The following PLXNA2 variants were observed in gnomAD, a reference collection of about 807,000 sequenced individuals.
PLXNA2 encodes plexin-A2.
A neutral mutation model predicts 193.5 loss-of-function variants in PLXNA2; 91 were observed. The observed-to-expected ratio is 0.47, with a 90% confidence interval of 0.40 to 0.56. The LOEUF (loss-of-function observed/expected upper bound fraction) is 0.56, where lower values mean the gene tolerates loss of function less well. Ranked by LOEUF, PLXNA2 falls within the 20% of genes least tolerant of loss-of-function variation. The probability of loss-of-function intolerance (pLI) is 0.00; values close to 1 mark genes in which losing one functional copy is unlikely to be tolerated. For synonymous variants in PLXNA2, 997 were observed against 1,027.3 expected, an observed-to-expected ratio of 0.97 and a Z score of 0.56; for missense variants, 1,995 against 2,503.2, an observed-to-expected ratio of 0.80 and a Z score of 4.33.
intron 3 of PLXNA2, among the ~76,000 whole-genome samples, chr1:208,172,641 T>C (rs764507381): frequency 1.3e-5 from 2 of 152,200 alleles, no homozygotes; most frequent in African/African-American, 4.8e-5. Context: ...GCTTTCTCTT[T>C]ATAACAGATT....
At position 208,217,143 on chromosome 1, in the gene PLXNA2, G is replaced by C. The variant is rs751044766; in HGVS notation, c.780C>G (p.Pro260=). The C allele has an allele frequency of 6.2e-7, 1 of 1,614,184 alleles. No individual in the cohort carries two copies. Among genetic ancestry groups the C allele is most frequent in the Non-Finnish European group, 8.5e-7 (1 of 1,180,028 alleles). The change falls in exon 2 of 32, where the codon CCC becomes CCG. Residue 260 remains proline (P), a synonymous_variant. Coordinates refer to ENST00000367033, the MANE Select transcript of PLXNA2 (RefSeq NM_025179.4). The surrounding 1 kb of genome is among the most constrained non-coding windows in gnomAD (Gnocchi z 4.7). ...GGFVYFLTVQ[P]ETPEGVAINS... is the part of the protein sequence containing the mutation. ...TGATGGCCACACCCTCAGGGGTCTC[G>C]GGCTGGACAGTGAGAAAGTAGACAA...
At chr1:208,187,861 T>C (rs1670056412) in intron 3 of PLXNA2, among the ~76,000 whole-genome samples, 1 of 152,212 alleles carries the variant, frequency 6.6e-6, no homozygotes, top group African/African-American at 2.4e-5. Context: ...TGTGCAGTGG[T>C]GTGCAGTTAC....
At chr1:208,088,960 A>G (rs1666626153) in intron 9 of PLXNA2, among the ~76,000 whole-genome samples, 1 of 152,198 alleles carries the variant, frequency 6.6e-6, no homozygotes, top group Non-Finnish European at 1.5e-5. Context: ...AAGCTGTTTA[A>G]CTTATTTAAG....
At chr1:208,237,523 A>C (rs766526182) in intron 1 of PLXNA2, among the ~76,000 whole-genome samples, 10 of 152,214 alleles carry the variant, frequency 6.6e-5, no homozygotes, top group South Asian at 2.1e-4. Context: ...TGACTAATAG[A>C]AAACAACTCC....
Position 208,028,360 on chromosome 1 carries a change from C to G in PLXNA2, c.5439-201G>C, listed in dbSNP as rs1350167506. On this transcript the variant is annotated intron_variant, in intron 30 of 31. Coordinates refer to ENST00000367033, the MANE Select transcript of PLXNA2 (RefSeq NM_025179.4). This position sits in a 1 kb window ranked among gnomAD's most constrained non-coding sequence, Gnocchi z 4.2. The stretch of plus-strand genomic sequence containing the variant: ...CCAGAGTTTCTTCAGTAGATTCCAT[C>G]TAGCCGAGAGCTCGTGGCTGCGGTG... Among the ~76,000 whole-genome samples the G allele has an allele frequency of 6.6e-6, 1 of 152,230 alleles. No homozygotes were observed. Among genetic ancestry groups the G allele is most frequent in the African/African-American group, 2.4e-5 (1 of 41,462 alleles).
intron 1 of PLXNA2, among the ~76,000 whole-genome samples, chr1:208,225,871 C>T (rs546036322): frequency 1.3e-5 from 2 of 152,300 alleles, no homozygotes; most frequent in African/African-American, 2.4e-5. Flanking sequence ...TCTGGGACTT[C>T]CCAGTTTCTG....
intron 4 of PLXNA2, among the ~76,000 whole-genome samples, chr1:208,138,645 G>A (rs927333613): frequency 5.9e-5 from 9 of 152,260 alleles, no homozygotes; most frequent in Non-Finnish European, 5.9e-5. Context: ...AGGACTTTGG[G>A]AGGCCGAGGT....
rs183419021 is a variant in PLXNA2 at position 208,165,655 on chromosome 1, G to C, written c.1372-23192C>G. On this transcript the variant is annotated intron_variant, in intron 3 of 31. Transcript: ENST00000367033. ...CCGCAAGCCCAGCTACCCCTATGTG[G>C]TCTGGGGCTGGTCCAACCCTAAGCT... is the stretch of plus-strand genomic sequence containing the variant. Among the ~76,000 whole-genome samples, 11 of 152,280 alleles carry C rather than the reference G, an allele frequency of 7.2e-5. No homozygotes were observed. The East Asian group carries it at 2.1e-3, about 29-fold the overall frequency.
intron 29 of PLXNA2, chr1:208,030,282 C>T (rs1664458696): frequency 1.0e-6 from 1 of 985,384 alleles, no homozygotes; most frequent in South Asian, 4.7e-5. Flanking sequence ...TAAGGAAACT[C>T]TCTCCACACC....
At position 208,082,765 on chromosome 1, in the gene PLXNA2, C is replaced by T. The variant is rs6683860; in HGVS notation, c.2299-257G>A. ...AGCTTTGAATCTACCTTTCTCCAAA[C>T]ACATCTTCTTAAGCCCCTCTCTGTC... On this transcript the variant is annotated intron_variant, in intron 10 of 31. Transcript: ENST00000367033. The surrounding 1 kb of genome is among the most constrained non-coding windows in gnomAD (Gnocchi z 4.2). 2.7e-3 allele frequency among the ~76,000 whole-genome samples: 407 copies of T among 152,294 alleles called. 3 individuals carry two copies. The highest frequency in any genetic ancestry group is 9.3e-3 in the African/African-American group (386 of 41,544).
chr1:208,213,885 T>C (rs1316596374), intron 2 of PLXNA2, among the ~76,000 whole-genome samples: 1 of 152,198 alleles, frequency 6.6e-6, no homozygotes, highest in Admixed American at 6.5e-5. Flanking sequence ...TCCCAGTGCC[T>C]TTGCTATCCT....
At chr1:208,051,539 A>C in intron 15 of PLXNA2, 116 bp from the exon 16 acceptor site, 20 of 718,532 alleles carry the variant, frequency 2.8e-5, no homozygotes, top group Non-Finnish European at 4.4e-5. Context: ...GTGTTCTCTC[A>C]TCCTTTTATA....
intron 3 of PLXNA2, among the ~76,000 whole-genome samples, chr1:208,199,258 G>A (rs1029015150): frequency 6.6e-6 from 1 of 152,192 alleles, no homozygotes; most frequent in African/African-American, 2.4e-5. Context: ...CTAGATCAAG[G>A]TTGTATGGTC....
At chr1:208,115,979 C>A (rs756637393) in intron 4 of PLXNA2, among the ~76,000 whole-genome samples, 2 of 152,216 alleles carry the variant, frequency 1.3e-5, no homozygotes, top group Non-Finnish European at 2.9e-5. Flanking sequence ...TGTGACATTT[C>A]AGACTTCTAA....
intron 1 of PLXNA2, among the ~76,000 whole-genome samples, chr1:208,225,803 C>T (rs1671491439): frequency 1.3e-5 from 2 of 152,326 alleles, no homozygotes; most frequent in South Asian, 2.1e-4. Context: ...GAAGAGAGGT[C>T]TGGAACAGCT....
At chr1:208,158,336 TTCTCTGTGCTG>T (rs1669001616) in intron 3 of PLXNA2, among the ~76,000 whole-genome samples, 1 of 152,174 alleles carries the variant, frequency 6.6e-6, no homozygotes. Flanking sequence ...CATTGTTTCT[TTCTCTGTGCTG>T]TCTCTACTTC....
chr1:208,142,439 C>G lies in PLXNA2; in HGVS notation c.1396G>C (p.Gly466Arg), dbSNP rs1445341858. 6.2e-7 allele frequency: 1 copy of G among 1,611,668 alleles called. No homozygotes were observed. Among genetic ancestry groups the G allele is most frequent in the African/African-American group, 1.3e-5 (1 of 74,904 alleles). ...KKIRADGPPH[G>R]GVQYEMVSVL... is the part of the protein sequence containing the mutation. Reference sequence around the variant, plus strand: ...GAGACCATCTCGTACTGGACCCCACCATGGGGGGGACCGTCGGCCCGAATC... The same window carrying G: ...GAGACCATCTCGTACTGGACCCCACGATGGGGGGGACCGTCGGCCCGAATC... Residue 466 changes from glycine to arginine, a missense_variant, in exon 4 of 32, where the codon GGT (glycine) becomes CGT (arginine). Physicochemically the swap from Gly to Arg is moderately radical, Grantham distance 125. Around this residue, in one of 3 missense-constraint regions of PLXNA2, gnomAD observed 702 missense variants for 812.9 expected, o/e 0.86. Transcript: ENST00000367033.
chr1:208,142,221 G>A (rs1465614617), intron 4 of PLXNA2, 108 bp downstream of exon 4: 3 of 1,243,646 alleles, frequency 2.4e-6, no homozygotes, highest in Non-Finnish European at 3.3e-6. Context: ...CCCCTGTGCT[G>A]CAAGCCCAGA....
At chr1:208,067,124 C>T (rs900464753) in intron 12 of PLXNA2, among the ~76,000 whole-genome samples, 2 of 152,094 alleles carry the variant, frequency 1.3e-5, no homozygotes, top group Non-Finnish European at 2.9e-5. Flanking sequence ...GCAGGCGGAT[C>T]ACCTGAGTTC....
Sources: gnomAD v4.1 joint callset for allele counts (sites outside exome capture counted in the v4.1 genomes callset) on GRCh38, gnomAD v4.1.1 for gene constraint, gnomAD v4.1.1 regional missense constraint, Gnocchi (gnomAD v3.1) non-coding constraint, MANE v1.5 for transcripts, NCBI Gene and HGNC (gene_info 2026-07-23, HGNC 2026-07-21) for gene names.